The following GALNT13 variants were observed in gnomAD, a reference collection of about 807,000 sequenced individuals.
GALNT13 encodes the protein UDP-GalNAc:polypeptide N-acetylgalactosaminyltransferase 13.
In GALNT13, 28 loss-of-function variants were observed where a neutral mutation model predicts 64.2. The observed-to-expected ratio is 0.44, with a 90% CI of 0.32 to 0.60. GALNT13 has a LOEUF of 0.60. Ranked by LOEUF, GALNT13 falls within the 20% of genes least tolerant of loss-of-function variation. GALNT13 has a pLI of 0.05. For synonymous variants in GALNT13, 214 were observed against 224.6 expected, an observed-to-expected ratio of 0.95 and a Z score of 0.42; for missense variants, 577 against 669.8, an observed-to-expected ratio of 0.86 and a Z score of 1.53.
intron 8 of GALNT13, among the ~76,000 whole-genome samples, chr2:154,281,225 G>T (rs1012814230): frequency 1.1e-4 from 17 of 152,116 alleles, no homozygotes; most frequent in Non-Finnish European, 5.9e-5. Context: ...TTCTTAAGCA[G>T]AACCATCTTA....
chr2:153,530,652 G>T, the GALNT13 span, among the ~76,000 whole-genome samples: 2 of 151,838 alleles, frequency 1.3e-5, no homozygotes, highest in Non-Finnish European at 1.5e-5. Context: ...AAACAGCATG[G>T]TACTGGCAAC....
At chr2:154,380,898 TTTA>T (rs761015933) in intron 9 of GALNT13, among the ~76,000 whole-genome samples, 47 of 152,034 alleles carry the variant, frequency 3.1e-4, no homozygotes, top group Non-Finnish European at 4.9e-4. Context: ...GGCTGAAACC[TTTA>T]GTTTCTTGTC....
At chr2:154,298,637 T>TTATATATACAATG (rs1693165090) in intron 8 of GALNT13, among the ~76,000 whole-genome samples, 1 of 53,414 alleles carries the variant, frequency 1.9e-5, no homozygotes, top group African/African-American at 8.1e-5. Context: ...TATATATAAT[T>TTATATATACAATG]TATATATACA....
At chr2:153,766,305 T>C in the GALNT13 span, among the ~76,000 whole-genome samples, 5 of 152,296 alleles carry the variant, frequency 3.3e-5, no homozygotes, top group Admixed American at 3.3e-4. Context: ...ATGTCTTTGA[T>C]GTTTGATAGT....
the GALNT13 span, among the ~76,000 whole-genome samples, chr2:153,321,592 G>A: frequency 1.3e-5 from 2 of 152,058 alleles, no homozygotes; most frequent in Admixed American, 1.3e-4. Flanking sequence ...AGAACATCTA[G>A]AGATTTTATA....
chr2:153,669,192 C>G, the GALNT13 span, among the ~76,000 whole-genome samples: 1 of 152,146 alleles, frequency 6.6e-6, no homozygotes, highest in African/African-American at 2.4e-5. Flanking sequence ...TCTGCACCCT[C>G]CCCCAACCAC....
chr2:153,591,292 G>A, the GALNT13 span, among the ~76,000 whole-genome samples: 1 of 152,036 alleles, frequency 6.6e-6, no homozygotes, highest in African/African-American at 2.4e-5. Flanking sequence ...AAACATTGAT[G>A]AAAGAAATAG....
At chr2:153,938,141 T>C (rs1691081382) in intron 2 of GALNT13, among the ~76,000 whole-genome samples, 1 of 152,168 alleles carries the variant, frequency 6.6e-6, no homozygotes, top group Admixed American at 6.6e-5. Context: ...AAAAGTGCAT[T>C]AGTCAAATCC....
At chr2:153,518,029 T>C in the GALNT13 span, among the ~76,000 whole-genome samples, 1 of 152,030 alleles carries the variant, frequency 6.6e-6, no homozygotes, top group Non-Finnish European at 1.5e-5. Context: ...CAGAAATGAG[T>C]ATCATCTTTA....
At chr2:153,422,846 C>T in the GALNT13 span, among the ~76,000 whole-genome samples, 5 of 151,600 alleles carry the variant, frequency 3.3e-5, no homozygotes, top group East Asian at 5.8e-4. Flanking sequence ...GAAAACACAA[C>T]GACAAAAACG....
At chr2:153,428,290 G>C in the GALNT13 span, among the ~76,000 whole-genome samples, 7 of 152,290 alleles carry the variant, frequency 4.6e-5, no homozygotes, top group South Asian at 1.4e-3. Flanking sequence ...GCCTAGGAAG[G>C]TTTTACTCAT....
chr2:154,295,931 G>T (rs1486703027), intron 8 of GALNT13, among the ~76,000 whole-genome samples: 1 of 152,120 alleles, frequency 6.6e-6, no homozygotes, highest in Non-Finnish European at 1.5e-5. Context: ...CCTTACCCAG[G>T]TGATTATCTT....
At chr2:154,314,964 G>A (rs16836481) in intron 9 of GALNT13, among the ~76,000 whole-genome samples, 19,567 of 151,970 alleles carry the variant, frequency 0.13, 1,567 homozygotes, top group East Asian at 0.36. Flanking sequence ...TATAATTTGA[G>A]TTCACATCTG....
At chr2:153,380,868 CATCAGGTTTCATATCTGAGAAATT>C in the GALNT13 span, among the ~76,000 whole-genome samples, 19 of 151,990 alleles carry the variant, frequency 1.3e-4, no homozygotes, top group African/African-American at 4.3e-4. Flanking sequence ...AATGCAGTGA[CATCAGGTTTCATATCTGAGAAATT>C]ATAGCATTTA....
intron 4 of GALNT13, among the ~76,000 whole-genome samples, chr2:154,159,197 C>T (rs1684595842): frequency 6.6e-6 from 1 of 152,024 alleles, no homozygotes; most frequent in Non-Finnish European, 1.5e-5. Context: ...TGCAATGGCA[C>T]TATCTTGGCT....
intron 3 of GALNT13, among the ~76,000 whole-genome samples, chr2:153,981,851 A>G (rs977173751): frequency 3.9e-5 from 6 of 152,104 alleles, no homozygotes; most frequent in African/African-American, 9.7e-5. Flanking sequence ...TCTCTCAGAC[A>G]TAGAATAGCC....
chr2:154,306,152 T>C (rs948724774), intron 9 of GALNT13, among the ~76,000 whole-genome samples: 4 of 151,924 alleles, frequency 2.6e-5, no homozygotes, highest in African/African-American at 9.7e-5. Context: ...TTTATTATTA[T>C]TATTATTATT....
intron 3 of GALNT13, among the ~76,000 whole-genome samples, chr2:154,121,557 T>C (rs1344052532): frequency 6.6e-6 from 1 of 152,168 alleles, no homozygotes; most frequent in Non-Finnish European, 1.5e-5. Context: ...TACACCTAAA[T>C]GTTTAATTTT....
At chr2:153,195,741 A>G in the GALNT13 span, among the ~76,000 whole-genome samples, 1 of 152,188 alleles carries the variant, frequency 6.6e-6, no homozygotes. Context: ...TTTTAGCTTC[A>G]CCATTCAGCG....
Sources: gnomAD v4.1 joint callset for allele counts (sites outside exome capture counted in the v4.1 genomes callset) on GRCh38, gnomAD v4.1.1 for gene constraint, MANE v1.5 for transcripts, NCBI Gene and HGNC (gene_info 2026-07-23, HGNC 2026-07-21) for gene names.